FUBP3: variants seen among roughly 807,000 people sequenced by gnomAD.
FUBP3 encodes far upstream element-binding protein 3.
In FUBP3, 28 loss-of-function variants were observed where a neutral mutation model predicts 85.6. The ratio of observed to expected loss-of-function variants is 0.33; its 90% confidence interval spans 0.24 to 0.45. FUBP3 has a LOEUF of 0.45. Among genes scored for constraint, FUBP3 ranks in the 20% least tolerant of loss-of-function variants. The pLI is 1.00. For synonymous variants in FUBP3, 271 were observed against 271.4 expected (o/e 1.00, Z 0.01); for missense variants, 583 against 755.1 (o/e 0.77, Z 2.67).
chr9:130,621,959 G>A (rs1829768951), intron 9 of FUBP3, among the ~76,000 whole-genome samples: 1 of 151,822 alleles, frequency 6.6e-6, no homozygotes, highest in Non-Finnish European at 1.5e-5. Context: ...TTCCTAAAAG[G>A]GAAAAATGTC....
At chr9:130,601,801 ATTTTTT>A (rs113638192) in intron 2 of FUBP3, among the ~76,000 whole-genome samples, 2,042 of 117,400 alleles carry the variant, frequency 0.017, 66 homozygotes, top group African/African-American at 0.063. Flanking sequence ...ATAATTCCTA[ATTTTTT>A]TTTTTTTTTT....
intron 2 of FUBP3, among the ~76,000 whole-genome samples, chr9:130,601,380 C>T (rs769220281): frequency 1.1e-4 from 17 of 152,184 alleles, no homozygotes; most frequent in Non-Finnish European, 2.2e-4. Context: ...AGATCAAAGC[C>T]TTTCCAGTTT....
chr9:130,637,187 A>C lies in FUBP3; in HGVS notation c.*165A>C, dbSNP rs1830450569. The C allele has an allele frequency of 4.8e-6, 3 of 631,176 alleles. No homozygotes were observed. The African/African-American group carries it at 5.5e-5, about 12-fold the overall frequency. 39.1% of individuals were successfully genotyped at this position (631,176 alleles called of 1,614,324 possible). On this transcript the variant is annotated 3_prime_UTR_variant, in exon 19 of 19. Coordinates refer to ENST00000319725, the MANE Select transcript of FUBP3 (RefSeq NM_003934.2). ...AATTTTTCTAAAAATCAGGAAAATTAGTTACTAAAAATTGCTGATCATTTT... is the reference window on the plus strand; with the variant it reads ...AATTTTTCTAAAAATCAGGAAAATTCGTTACTAAAAATTGCTGATCATTTT...
rs374416033 is a variant in FUBP3, at chr9:130,617,383, G to A, written c.568-414G>A. 1.4e-4 allele frequency among the ~76,000 whole-genome samples: 21 copies of A among 152,294 alleles called. No homozygotes were observed. The South Asian group carries it at 4.1e-3, about 30-fold the overall frequency. ...AGGGAGTTTATCATTTGGGATCCCA[G>A]CCTCCCAGTTTTGGTCCGCCACTCA... On this transcript the variant is annotated intron_variant, in intron 7 of 18. Transcript: ENST00000319725.
At position 130,635,965 on chromosome 9, in the gene FUBP3, C is replaced by T. The variant is rs377028872; in HGVS notation, c.1583-34C>T. On this transcript the variant is annotated intron_variant, in intron 17 of 18. Coordinates refer to ENST00000319725, the MANE Select transcript of FUBP3 (RefSeq NM_003934.2). The surrounding 1 kb of genome is among the most constrained non-coding windows in gnomAD (Gnocchi z 4.3). ...GGGTCCTGCCCAGTGCACCTCCGCT[C>T]CCGATAACCTGTGTTTCCTCCTTTG... 7 of 1,608,456 alleles carry T rather than the reference C, an allele frequency of 4.4e-6. No homozygotes were observed. Among genetic ancestry groups the T allele is most frequent in the South Asian group, 1.1e-5 (1 of 90,528 alleles).
At position 130,634,654 on chromosome 9, in the gene FUBP3, G is replaced by A; in HGVS notation, c.1511-13G>A. The A allele has an allele frequency of 3.1e-6, 5 of 1,611,886 alleles. No homozygotes were observed. Among genetic ancestry groups the A allele is most frequent in the Non-Finnish European group, 4.2e-6 (5 of 1,179,380 alleles). Reference sequence around the variant, plus strand: ...GCCCGTAAGGCCTGACTGCTTTTGTGTTCTTCGCACAGGCCAGCAGAGCCA... The same window carrying A: ...GCCCGTAAGGCCTGACTGCTTTTGTATTCTTCGCACAGGCCAGCAGAGCCA... On this transcript the variant is annotated splice_polypyrimidine_tract_variant and intron_variant, in intron 16 of 18. Transcript: ENST00000319725.
intron 1 of FUBP3, chr9:130,581,281 G>A (rs905668540): frequency 2.0e-5 from 3 of 152,208 alleles, no homozygotes; most frequent in African/African-American, 7.2e-5. Context: ...TGCTCCAGAG[G>A]GAGACCCTCT....
At chr9:130,599,977 C>T (rs1831071579) in intron 2 of FUBP3, among the ~76,000 whole-genome samples, 1 of 152,152 alleles carries the variant, frequency 6.6e-6, no homozygotes, top group African/African-American at 2.4e-5. Flanking sequence ...CTTAACCTGC[C>T]CAACTCCTGC....
chr9:130,582,614 A>G (rs577682861), intron 1 of FUBP3, among the ~76,000 whole-genome samples: 14 of 152,346 alleles, frequency 9.2e-5, no homozygotes, highest in African/African-American at 3.4e-4. Flanking sequence ...GATAAGACAA[A>G]ATCCTGAGTA....
chr9:130,589,762 G>A (rs2119015023), intron 1 of FUBP3, among the ~76,000 whole-genome samples: 1 of 131,970 alleles, frequency 7.6e-6, no homozygotes, highest in Admixed American at 8.3e-5. Context: ...ACAGGCTATG[G>A]TGTGGTGGCT....
chr9:130,602,936 C>T (rs1831227529), intron 2 of FUBP3, among the ~76,000 whole-genome samples: 2 of 152,134 alleles, frequency 1.3e-5, no homozygotes, highest in African/African-American at 4.8e-5. Context: ...TCCCGTTCCC[C>T]ACTTTTGGTG....
chr9:130,591,059 T>C lies in FUBP3; in HGVS notation c.85-4424T>C, dbSNP rs375294103. On this transcript the variant is annotated intron_variant, in intron 1 of 18. Transcript: ENST00000319725. ...GAAAGCAAGTTTATTAAGAAAGGAA[T>C]AAAATAGAGCAGGCTGTTTCTGCCG... Among the ~76,000 whole-genome samples the C allele has an allele frequency of 8.8e-4, 132 of 150,410 alleles. 1 individual carries two copies. The highest frequency in any genetic ancestry group is 3.1e-3 in the African/African-American group (127 of 40,846).
Position 130,620,422 on chromosome 9 carries a change from C to A in FUBP3, c.735C>A (p.Gly245=), listed in dbSNP as rs746755919. 6.2e-7 allele frequency: 1 copy of A among 1,600,460 alleles called. No individual in the cohort carries two copies. The highest frequency in any genetic ancestry group is 2.3e-5 in the East Asian group (1 of 44,266). Residue 245 remains glycine, a synonymous_variant, in exon 9 of 19, where the codon GGC becomes GGA. Coordinates refer to ENST00000319725, the MANE Select transcript of FUBP3 (RefSeq NM_003934.2). ...AAGCTGACTTTCGGGGTGTACGCGG[C>A]GATTTCAACTCTCGAATGGGAGGAG... is the stretch of plus-strand genomic sequence containing the variant. ...KDQADFRGVR[G]DFNSRMGGGS... is the part of the protein sequence containing the mutation.
intron 1 of FUBP3, among the ~76,000 whole-genome samples, chr9:130,583,876 T>G (rs1830232883): frequency 1.3e-5 from 2 of 152,146 alleles, no homozygotes; most frequent in Admixed American, 1.3e-4. Flanking sequence ...GATGAGAACA[T>G]TTATAATGTG....
chr9:130,604,749 T>A (rs1183459200), intron 2 of FUBP3, among the ~76,000 whole-genome samples: 3 of 152,024 alleles, frequency 2.0e-5, no homozygotes, highest in Admixed American at 2.0e-4. Flanking sequence ...TACAAAAAAA[T>A]TAGCTGGGCA....
At chr9:130,629,896 A>C (rs1302006803) in intron 12 of FUBP3, among the ~76,000 whole-genome samples, 1 of 152,198 alleles carries the variant, frequency 6.6e-6, no homozygotes, top group African/African-American at 2.4e-5. Flanking sequence ...TCAGAAGAAG[A>C]ATCCAACTAT....
In FUBP3 at chr9:130,631,640, T is replaced by C. The variant is rs762910162; in HGVS notation, c.1352+10T>C. ...CCCCACCTCATCAAAAGTGAGTCTT[T>C]TGCATCAGTCTTGCCTGGGAGAATT... On this transcript the variant is annotated intron_variant, in intron 14 of 18. Coordinates refer to ENST00000319725, the MANE Select transcript of FUBP3 (RefSeq NM_003934.2). The C allele has an allele frequency of 1.4e-5, 22 of 1,602,896 alleles. No homozygotes were observed. The highest frequency in any genetic ancestry group is 1.5e-5 in the Non-Finnish European group (18 of 1,169,910).
chr9:130,581,536 A>AGGTTTG (rs898192240), intron 1 of FUBP3: 1 of 152,218 alleles, frequency 6.6e-6, no homozygotes, highest in African/African-American at 2.4e-5. Flanking sequence ...TTTTAGGTTT[A>AGGTTTG]TTGTATATAG....
intron 1 of FUBP3, among the ~76,000 whole-genome samples, chr9:130,593,690 G>A (rs1830732843): frequency 6.6e-6 from 1 of 152,162 alleles, no homozygotes; most frequent in Non-Finnish European, 1.5e-5. Flanking sequence ...GGAACATTTG[G>A]ACTAGCTCAG....
Sources: allele counts gnomAD v4.1 joint callset (sites outside exome capture counted in the v4.1 genomes callset), GRCh38; gene constraint gnomAD v4.1.1; non-coding constraint Gnocchi (gnomAD v3.1); transcripts MANE v1.5; gene names NCBI Gene and HGNC (gene_info 2026-07-23, HGNC 2026-07-21).